MARCHF10: variants seen among roughly 807,000 people sequenced by gnomAD.
The protein encoded by MARCHF10 is probable E3 ubiquitin-protein ligase MARCHF10.
MARCHF10 carries 64 observed loss-of-function variants against 76.2 expected under a neutral mutation model. That is an observed-to-expected ratio of 0.84 (90% confidence interval 0.69 to 1.03). MARCHF10 has a LOEUF of 1.03. Ranked by LOEUF, MARCHF10 falls within the 50% of genes least tolerant of loss-of-function variation. The probability of loss-of-function intolerance (pLI) is 0.00; values close to 1 mark genes in which losing one functional copy is unlikely to be tolerated. For missense variants in MARCHF10, 875 were observed against 958.0 expected, an observed-to-expected ratio of 0.91 and a Z score of 1.14; for synonymous variants, 340 against 357.5, an observed-to-expected ratio of 0.95 and a Z score of 0.55.
rs1267059127 is a variant in MARCHF10, at chr17:62,712,349, A to T, written c.2215-1005T>A. Among the ~76,000 whole-genome samples the T allele has an allele frequency of 6.6e-6, 1 of 152,212 alleles. No homozygotes were observed. The highest frequency in any genetic ancestry group is 1.9e-4 in the East Asian group (1 of 5,188). On this transcript the variant is annotated intron_variant, in intron 8 of 10. Transcript: ENST00000311269. The surrounding 1 kb of genome is among the most constrained non-coding windows in gnomAD (Gnocchi z 4.2). Reference sequence around the variant, plus strand: ...GGATAACGATGCGTGGGCATGAATGACACAGTGAGCACTCAGTGTCTCATC... The same window carrying T: ...GGATAACGATGCGTGGGCATGAATGTCACAGTGAGCACTCAGTGTCTCATC...
intron 2 of MARCHF10, among the ~76,000 whole-genome samples, chr17:62,792,164 C>T (rs912647483): frequency 7.9e-5 from 12 of 151,834 alleles, no homozygotes; most frequent in African/African-American, 2.9e-4. Context: ...CTACAGCATA[C>T]GTAGTCGGGC....
At chr17:62,759,267 G>C (rs980875251) in intron 4 of MARCHF10, among the ~76,000 whole-genome samples, 1 of 152,240 alleles carries the variant, frequency 6.6e-6, no homozygotes, top group Non-Finnish European at 1.5e-5. Flanking sequence ...AAGATGAAAA[G>C]GCAGCAGCTC....
At chr17:62,710,414 G>C (rs1391683506) in intron 9 of MARCHF10, among the ~76,000 whole-genome samples, 1 of 152,072 alleles carries the variant, frequency 6.6e-6, no homozygotes, top group Non-Finnish European at 1.5e-5. Flanking sequence ...GGGTCAAAAG[G>C]AGGGTGAGAT....
intron 4 of MARCHF10, among the ~76,000 whole-genome samples, chr17:62,753,287 A>T (rs1423452196): frequency 6.6e-6 from 1 of 152,076 alleles, no homozygotes; most frequent in African/African-American, 2.4e-5. Flanking sequence ...TTGTATTTTT[A>T]GTAGAGATGG....
intron 9 of MARCHF10, among the ~76,000 whole-genome samples, chr17:62,707,258 C>T (rs1054797875): frequency 1.1e-4 from 16 of 152,218 alleles, no homozygotes; most frequent in Non-Finnish European, 1.8e-4. Flanking sequence ...AAACCCTTCC[C>T]GCCCCACTCC....
At position 62,701,593 on chromosome 17, in the gene MARCHF10, C is replaced by T. The variant is rs553039951; in HGVS notation, c.*110G>A. The T allele has an allele frequency of 5.6e-6, 9 of 1,597,000 alleles. No individual in the cohort carries two copies. The highest frequency in any genetic ancestry group is 5.5e-5 in the South Asian group (5 of 90,316). On this transcript the variant is annotated 3_prime_UTR_variant, in exon 11 of 11. Coordinates refer to ENST00000311269, the MANE Select transcript of MARCHF10 (RefSeq NM_152598.4). ...CACGAGGTGAAAATCTAACTGTGAA[C>T]GCTTTGGTTTCAGTTTCAGTAAAGA...
intron 1 of MARCHF10, among the ~76,000 whole-genome samples, chr17:62,802,221 C>CT (rs1033994370): frequency 2.6e-5 from 4 of 152,046 alleles, no homozygotes; most frequent in Non-Finnish European, 1.5e-5. Context: ...CATCTTTGCT[C>CT]TTTTTTTCTT....
At chr17:62,737,492 C>A in intron 5 of MARCHF10, 160 bp from the exon 6 acceptor site, 1 of 673,814 alleles carries the variant, frequency 1.5e-6, no homozygotes. Flanking sequence ...GGAGCAGAGC[C>A]CAGCAGGCTT....
chr17:62,774,046 G>A (rs1450278583), intron 3 of MARCHF10, among the ~76,000 whole-genome samples: 1 of 152,176 alleles, frequency 6.6e-6, no homozygotes, highest in Non-Finnish European at 1.5e-5. Flanking sequence ...TCAGTGTGGA[G>A]CGGACAATCA....
intron 1 of MARCHF10, among the ~76,000 whole-genome samples, chr17:62,807,507 G>T (rs896978875): frequency 4.6e-5 from 7 of 152,134 alleles, no homozygotes; most frequent in Non-Finnish European, 7.4e-5. Flanking sequence ...GGGAAACTCT[G>T]GGGGAGGAAA....
chr17:62,753,233 A>C (rs1424887613), intron 4 of MARCHF10, among the ~76,000 whole-genome samples: 1 of 151,974 alleles, frequency 6.6e-6, no homozygotes, highest in Non-Finnish European at 1.5e-5. Flanking sequence ...CAGTCTCCCG[A>C]GTAGATGAGA....
At chr17:62,714,935 G>A (rs973776537) in intron 8 of MARCHF10, among the ~76,000 whole-genome samples, 4 of 152,070 alleles carry the variant, frequency 2.6e-5, no homozygotes, top group Non-Finnish European at 5.9e-5. Flanking sequence ...TAGTAGAGAC[G>A]GGGTTTCACC....
chr17:62,751,980 A>G (rs971423234), intron 4 of MARCHF10, among the ~76,000 whole-genome samples: 1 of 151,658 alleles, frequency 6.6e-6, no homozygotes, highest in African/African-American at 2.4e-5. Flanking sequence ...CGATCGGGCT[A>G]TTGCACTCCA....
Position 62,722,526 on chromosome 17 carries a change from TA to T in MARCHF10, c.2175del (p.Phe725LeufsTer3). The T allele has an allele frequency of 6.2e-7, 1 of 1,613,876 alleles. No individual in the cohort carries two copies. The highest frequency in any genetic ancestry group is 8.5e-7 in the Non-Finnish European group (1 of 1,179,924). On this transcript the variant is annotated frameshift_variant, in exon 8 of 11. Transcript: ENST00000311269. LOFTEE classifies it high-confidence loss of function. ...TGCTTCTGGTAGAACTCAATCATGT[TA>T]AAGTCACCCAGGTCAACCAGCAGGC... Reference protein sequence around the residue: ...KQGLLVDLGDFNMIEFYQKHQ... With the variant: ...KQGLLVDLGDXNMIEFYQKHQ...
At chr17:62,705,671 G>C in intron 9 of MARCHF10, 90 bp from the exon 10 acceptor site, 3 of 1,514,614 alleles carry the variant, frequency 2.0e-6, no homozygotes, top group Middle Eastern at 1.7e-4. Flanking sequence ...CAACGTTCTA[G>C]GAATCCCTTA....
At chr17:62,705,268 AT>A in intron 10 of MARCHF10, 1 of 1,400,658 alleles carries the variant, frequency 7.1e-7, no homozygotes, top group Non-Finnish European at 9.2e-7. Flanking sequence ...AACAAATCTT[AT>A]CTCATGCCGG....
Position 62,759,964 on chromosome 17 carries a change from T to C in MARCHF10, c.253A>G (p.Ile85Val). ...TCACACTTAAATGCAGATATCTTGA[T>C]AGATGACCTTGGTTCAGTTAGAGCA... is the stretch of plus-strand genomic sequence containing the variant. ...EDALTEPRSS[I>V]KISAFKCDSK... The change falls in exon 4 of 11, where the codon ATC becomes GTC. Residue 85 changes from isoleucine (I) to valine (V), a missense_variant. Ile to Val is a conservative substitution (Grantham distance 29). Coordinates refer to ENST00000311269, the MANE Select transcript of MARCHF10 (RefSeq NM_152598.4). 6.2e-7 allele frequency: 1 copy of C among 1,614,126 alleles called. No homozygotes were observed. Among genetic ancestry groups the C allele is most frequent in the South Asian group, 1.1e-5 (1 of 91,076 alleles).
intron 9 of MARCHF10, chr17:62,706,492 T>G (rs2089602464): frequency 6.6e-6 from 1 of 152,244 alleles, no homozygotes. Flanking sequence ...TTTTTGTGAC[T>G]GTGGACCAAA....
intron 1 of MARCHF10, among the ~76,000 whole-genome samples, chr17:62,803,570 A>C (rs1253577373): frequency 6.6e-6 from 1 of 152,066 alleles, no homozygotes; most frequent in Non-Finnish European, 1.5e-5. Context: ...CCCAGGCTGG[A>C]GTGCCGTGGG....
Sources: gnomAD v4.1 joint callset for allele counts (sites outside exome capture counted in the v4.1 genomes callset) on GRCh38, gnomAD v4.1.1 for gene constraint, Gnocchi (gnomAD v3.1) non-coding constraint, MANE v1.5 for transcripts, NCBI Gene and HGNC (gene_info 2026-07-23, HGNC 2026-07-21) for gene names.